SGSM1: variants seen among roughly 807,000 people sequenced by gnomAD.
SGSM1 encodes the protein small G protein signaling modulator 1.
Under a neutral mutation model 133.8 loss-of-function variants are expected in SGSM1, and 73 were observed. That is an observed-to-expected ratio of 0.55 (90% CI 0.45 to 0.66). The LOEUF is 0.66. SGSM1 is among the 30% of genes least tolerant of loss of function. SGSM1 has a pLI of 0.00. For synonymous variants in SGSM1, 563 were observed against 573.0 expected, an observed-to-expected ratio of 0.98 and a Z score of 0.25; for missense variants, 1,213 against 1,448.1, an observed-to-expected ratio of 0.84 and a Z score of 2.64.
intron 20 of SGSM1, among the ~76,000 whole-genome samples, chr22:24,903,742 C>T (rs1022883259): frequency 1.3e-5 from 2 of 152,086 alleles, no homozygotes; most frequent in African/African-American, 2.4e-5. Context: ...GAGGTCGAGG[C>T]GGCCAGATCA....
intron 11 of SGSM1, 45 bp downstream of exon 11, chr22:24,868,584 C>CACA (rs1931588473): frequency 6.2e-7 from 1 of 1,612,760 alleles, no homozygotes; most frequent in African/African-American, 1.3e-5. Context: ...GGAGGCTGGT[C>CACA]ACAGAGGGTG....
chr22:24,871,293 G>A (rs1431356865), intron 12 of SGSM1, among the ~76,000 whole-genome samples: 1 of 152,200 alleles, frequency 6.6e-6, no homozygotes, highest in Non-Finnish European at 1.5e-5. Flanking sequence ...TGCCACTGCG[G>A]TGTGGTTAAG....
At chr22:24,838,693 T>C (rs755727857) in intron 2 of SGSM1, among the ~76,000 whole-genome samples, 2 of 152,240 alleles carry the variant, frequency 1.3e-5, no homozygotes, top group Non-Finnish European at 2.9e-5. Flanking sequence ...ATGTGAGGTT[T>C]TAGTTCTGGG....
At chr22:24,901,104 A>G (rs571619732) in intron 19 of SGSM1, 1 of 152,330 alleles carries the variant, frequency 6.6e-6, no homozygotes, top group Admixed American at 6.5e-5. Flanking sequence ...ATTTAATTTA[A>G]TAACTATGTT....
intron 16 of SGSM1, among the ~76,000 whole-genome samples, chr22:24,891,630 C>T (rs1252787942): frequency 1.3e-5 from 2 of 152,056 alleles, no homozygotes; most frequent in Non-Finnish European, 2.9e-5. Context: ...TACAGAGCCC[C>T]GTATTCAGAG....
At chr22:24,868,594 G>T (rs146208198) in intron 11 of SGSM1, 55 bp downstream of exon 11, 14 of 1,612,248 alleles carry the variant, frequency 8.7e-6, no homozygotes, top group Middle Eastern at 1.7e-4. Context: ...CACAGAGGGT[G>T]GTTGTTTTTG....
At chr22:24,880,503 G>C (rs932151631) in intron 14 of SGSM1, among the ~76,000 whole-genome samples, 1 of 152,214 alleles carries the variant, frequency 6.6e-6, no homozygotes, top group African/African-American at 2.4e-5. Context: ...AAACGTGTGT[G>C]TATTTTCAGG....
rs1931477938 is a variant in SGSM1 at position 24,866,696 on chromosome 22, T to C, written c.927-397T>C. On this transcript the variant is annotated intron_variant, in intron 9 of 24. Coordinates refer to ENST00000400358, the MANE Select transcript of SGSM1 (RefSeq NM_001098497.3). ...CTCCAGACAGGATGGGGCATCTCTT[T>C]CCCAGTCATTCAAATGGAAATCTAA... 5.3e-5 allele frequency among the ~76,000 whole-genome samples: 8 copies of C among 152,342 alleles called. No individual in the cohort carries two copies. The South Asian group carries it at 1.7e-3, about 32-fold the overall frequency.
At chr22:24,844,534 AAAG>A (rs1929981540) in intron 2 of SGSM1, 2 of 174,158 alleles carry the variant, frequency 1.1e-5, no homozygotes, top group African/African-American at 4.7e-5. Flanking sequence ...CTAAAAAAAA[AAAG>A]AATGAGAATA....
At chr22:24,880,383 C>A (rs540135413) in intron 14 of SGSM1, among the ~76,000 whole-genome samples, 7 of 152,180 alleles carry the variant, frequency 4.6e-5, no homozygotes, top group Non-Finnish European at 1.5e-5. Context: ...ATCCACCCAC[C>A]TCAGGCTCCC....
chr22:24,824,408 G>A (rs879728318), intron 2 of SGSM1, among the ~76,000 whole-genome samples: 5 of 152,102 alleles, frequency 3.3e-5, no homozygotes, highest in South Asian at 4.2e-4. Context: ...CTGTGGCACC[G>A]TCTCTCCCCT....
chr22:24,903,827 C>T (rs1204943675), intron 20 of SGSM1, among the ~76,000 whole-genome samples: 3 of 151,936 alleles, frequency 2.0e-5, no homozygotes, highest in Admixed American at 6.6e-5. Flanking sequence ...CAAAAATTAG[C>T]CAGGTGTGGT....
chr22:24,874,072 A>G (rs1275999659), intron 12 of SGSM1, among the ~76,000 whole-genome samples: 1 of 152,192 alleles, frequency 6.6e-6, no homozygotes, highest in South Asian at 2.1e-4. Context: ...ACTGCCTGGC[A>G]GGGCTTTGGG....
intron 2 of SGSM1, among the ~76,000 whole-genome samples, chr22:24,814,880 G>A (rs568636493): frequency 2.0e-5 from 3 of 152,276 alleles, no homozygotes; most frequent in African/African-American, 4.8e-5. Context: ...TGGCTGCATC[G>A]CCATCATGGG....
intron 2 of SGSM1, among the ~76,000 whole-genome samples, chr22:24,837,588 C>CGCCCG (rs1315780730): frequency 3.6e-5 from 5 of 139,186 alleles, no homozygotes; most frequent in Admixed American, 6.9e-5. Flanking sequence ...ACCCCCCCCC[C>CGCCCG]CCCTTTCCCA....
chr22:24,848,782 A>G (rs760876423), intron 4 of SGSM1, among the ~76,000 whole-genome samples: 3 of 152,192 alleles, frequency 2.0e-5, no homozygotes, highest in Admixed American at 1.3e-4. Flanking sequence ...AGCATGTCCT[A>G]TGTTTGCAGT....
At chr22:24,889,411 CTTTT>C (rs535610385) in intron 16 of SGSM1, among the ~76,000 whole-genome samples, 4 of 136,844 alleles carry the variant, frequency 2.9e-5, no homozygotes, top group Non-Finnish European at 1.6e-5. Flanking sequence ...AAATGTATTT[CTTTT>C]TTTTTTTTTT....
chr22:24,892,958 G>A (rs552300556), intron 16 of SGSM1, among the ~76,000 whole-genome samples: 1 of 151,888 alleles, frequency 6.6e-6, no homozygotes, highest in Non-Finnish European at 1.5e-5. Context: ...CTACTCAGGA[G>A]GCTGAGGCAG....
rs555571491 is a variant in SGSM1 at position 24,924,752 on chromosome 22, G to A, written c.*478G>A. 6.1e-6 allele frequency: 1 copy of A among 165,200 alleles called. No homozygotes were observed. The highest frequency in any genetic ancestry group is 2.4e-5 in the African/African-American group (1 of 41,818). 10.2% of individuals were successfully genotyped at this position (165,200 alleles called of 1,614,324 possible). A position where few individuals can be genotyped will look rare whatever the true frequency, so the allele number is the denominator to read the frequency against. ...GGACATGGCTGAAGATTGACTTAGA[G>A]ATTGACCCTCCACCTCGACATTACT... is the stretch of plus-strand genomic sequence containing the variant. On this transcript the variant is annotated 3_prime_UTR_variant, in exon 25 of 25. Coordinates refer to ENST00000400358, the MANE Select transcript of SGSM1 (RefSeq NM_001098497.3).
Sources: gnomAD v4.1 joint callset for allele counts (sites outside exome capture counted in the v4.1 genomes callset) on GRCh38, gnomAD v4.1.1 for gene constraint, MANE v1.5 for transcripts, NCBI Gene and HGNC (gene_info 2026-07-23, HGNC 2026-07-21) for gene names.